The following AFF2 variants were observed in gnomAD, a reference collection of about 807,000 sequenced individuals.
AFF2 encodes ALF transcription elongation factor 2, also known as AF4/FMR2 family member 2.
In AFF2, 14 loss-of-function variants were observed where a neutral mutation model predicts 76.9. The ratio of observed to expected loss-of-function variants is 0.18; its 90% CI spans 0.12 to 0.28. The LOEUF (loss-of-function observed/expected upper bound fraction) is 0.28, where lower values mean the gene tolerates loss of function less well. Ranked by LOEUF, AFF2 falls within the 10% of genes least tolerant of loss-of-function variation. The pLI, the probability that AFF2 is intolerant of heterozygous loss-of-function variation, is 1.00. For synonymous variants in AFF2, 398 were observed against 366.7 expected (o/e 1.09, Z -0.98); for missense variants, 868 against 1,001.1 (o/e 0.87, Z 1.79).
intron 3 of AFF2, among the ~76,000 whole-genome samples, chrX:148,736,629 A>G (rs1265710883): frequency 9.0e-6 from 1 of 111,508 alleles, no homozygotes; most frequent in Non-Finnish European, 1.9e-5. Context: ...ATTAGGTCCC[A>G]GCTATTTATC....
chrX:148,801,626 C>T lies in AFF2; in HGVS notation c.1042-8250C>T, dbSNP rs150311032. 1.2e-4 allele frequency among the ~76,000 whole-genome samples: 13 copies of T among 111,761 alleles called. No individual in the cohort carries two copies. The East Asian group carries it at 3.4e-3, about 29-fold the overall frequency. ...CCAACCTCTTCAGTTGTGTCTTGATCGACTCCCTCCTTATCAAGGACTTTG... is the reference window on the plus strand; with the variant it reads ...CCAACCTCTTCAGTTGTGTCTTGATTGACTCCCTCCTTATCAAGGACTTTG... On this transcript the variant is annotated intron_variant, in intron 3 of 20. Transcript: ENST00000370460.
intron 9 of AFF2, among the ~76,000 whole-genome samples, chrX:148,946,762 C>T (rs2071905302): frequency 8.9e-6 from 1 of 112,169 alleles, no homozygotes; most frequent in Non-Finnish European, 1.9e-5. Flanking sequence ...CATCTTCAAA[C>T]ACCAGCATAG....
At chrX:148,800,676 C>A (rs1434961636) in intron 3 of AFF2, among the ~76,000 whole-genome samples, 3 of 111,107 alleles carry the variant, frequency 2.7e-5, no homozygotes, top group Non-Finnish European at 5.7e-5. Context: ...TGTGGCAATG[C>A]CTTCAGAAAT....
At chrX:148,744,064 G>A (rs545397515) in intron 3 of AFF2, among the ~76,000 whole-genome samples, 10 of 110,775 alleles carry the variant, frequency 9.0e-5, no homozygotes, top group African/African-American at 2.3e-4. Context: ...AATTTTTTAC[G>A]TTATATGCCG....
rs146102679 is a variant in AFF2 at position 148,808,566 on chromosome X, G to C, written c.1042-1310G>C. Among the ~76,000 whole-genome samples, 364 of 111,955 alleles carry C rather than the reference G, an allele frequency of 3.3e-3. 3 individuals are homozygous for C. The highest frequency in any genetic ancestry group is 0.011 in the African/African-American group (345 of 30,812). ...TCCAAACTGGAGGACATTTTTGAGA[G>C]GGAAAGGGAATACTATCAATAATTA... is the stretch of plus-strand genomic sequence containing the variant. On this transcript the variant is annotated intron_variant, in intron 3 of 20. Coordinates refer to ENST00000370460, the MANE Select transcript of AFF2 (RefSeq NM_002025.4).
intron 1 of AFF2, among the ~76,000 whole-genome samples, chrX:148,525,568 T>C (rs1485560983): frequency 2.7e-5 from 3 of 111,564 alleles, no homozygotes; most frequent in Non-Finnish European, 5.7e-5. Flanking sequence ...AAATACACAT[T>C]AGGTTGTGGG....
chrX:148,513,478 A>T (rs529487191), intron 1 of AFF2, among the ~76,000 whole-genome samples: 68 of 111,716 alleles, frequency 6.1e-4, no homozygotes, highest in African/African-American at 2.1e-3. Context: ...AGTTTGCCCA[A>T]CTGAAAAACT....
intron 1 of AFF2, among the ~76,000 whole-genome samples, chrX:148,614,988 C>T (rs1251224560): frequency 9.1e-6 from 1 of 109,529 alleles, no homozygotes; most frequent in Non-Finnish European, 1.9e-5. Flanking sequence ...CATTATTTCC[C>T]CACACCTCCC....
At chrX:148,551,370 C>T (rs905488121) in intron 1 of AFF2, among the ~76,000 whole-genome samples, 26 of 105,123 alleles carry the variant, frequency 2.5e-4, no homozygotes, top group African/African-American at 9.1e-4. Context: ...TGTTTAGGCA[C>T]ACAATTAGCA....
intron 8 of AFF2, among the ~76,000 whole-genome samples, chrX:148,896,588 T>A (rs1557280327): frequency 9.0e-6 from 1 of 111,615 alleles, no homozygotes; most frequent in Non-Finnish European, 1.9e-5. Flanking sequence ...GGTTTGCATG[T>A]GTTTCAGCTC....
At chrX:148,538,463 A>G (rs2052812159) in intron 1 of AFF2, among the ~76,000 whole-genome samples, 1 of 112,447 alleles carries the variant, frequency 8.9e-6, no homozygotes, top group Admixed American at 9.4e-5. Flanking sequence ...CATGCTTTCA[A>G]AACTTTAATG....
chrX:148,645,247 T>C (rs2054133831), intron 1 of AFF2, among the ~76,000 whole-genome samples: 1 of 112,203 alleles, frequency 8.9e-6, no homozygotes, highest in African/African-American at 3.2e-5. Context: ...AGTCATCTTA[T>C]CTGTTAAATG....
In AFF2 at chrX:148,987,374, C is replaced by G; in HGVS notation, c.3631C>G (p.Pro1211Ala). The part of the protein sequence containing the change: ...SPWVSNGKNT[P>A]SPVSLNNVSP... ...TCTCTTTCCATTTCCCAGGAACACT[C>G]CATCCCCAGTGTCTCTCAACAACGT... Residue 1211 changes from proline (P) to alanine (A), a missense_variant, in exon 20 of 21, where the codon CCA (proline) becomes GCA (alanine). This residue lies in a region of AFF2 where 46 missense variants were observed against 40.8 expected (regional missense o/e 1.13). Transcript: ENST00000370460. The G allele has an allele frequency of 8.3e-7, 1 of 1,207,873 alleles. No individual in the cohort carries two copies. Among genetic ancestry groups the G allele is most frequent in the Non-Finnish European group, 1.1e-6 (1 of 893,143 alleles).
intron 3 of AFF2, among the ~76,000 whole-genome samples, chrX:148,769,680 G>A (rs2069562378): frequency 9.1e-6 from 1 of 110,481 alleles, no homozygotes; most frequent in East Asian, 2.9e-4. Context: ...AATGTTTTGG[G>A]AGAGAGCCAG....
intron 1 of AFF2, among the ~76,000 whole-genome samples, chrX:148,623,502 C>T (rs2053891056): frequency 9.2e-6 from 1 of 108,933 alleles, no homozygotes; most frequent in African/African-American, 3.3e-5. Context: ...GAGAGAAGAA[C>T]TTAAATATTG....
intron 3 of AFF2, among the ~76,000 whole-genome samples, chrX:148,786,936 GTCTAATTCTCTA>G (rs1204175983): frequency 7.1e-5 from 8 of 111,963 alleles, no homozygotes; most frequent in Non-Finnish European, 1.5e-4. Flanking sequence ...GCCAGTCTGA[GTCTAATTCTCTA>G]TCTAAATGTG....
chrX:148,950,166 C>G (rs1434748531), intron 9 of AFF2, among the ~76,000 whole-genome samples: 5 of 112,344 alleles, frequency 4.5e-5, no homozygotes, highest in African/African-American at 1.3e-4. Context: ...GATGTTTGTC[C>G]TGCTTTTAAA....
chrX:148,871,086 G>A (rs189406473), intron 7 of AFF2, among the ~76,000 whole-genome samples: 34 of 111,390 alleles, frequency 3.1e-4, no homozygotes, highest in Non-Finnish European at 5.9e-4. Flanking sequence ...CGGGTGGGGG[G>A]CAGTGATGAT....
intron 3 of AFF2, among the ~76,000 whole-genome samples, chrX:148,703,844 A>G (rs1452655286): frequency 2.7e-5 from 3 of 110,950 alleles, no homozygotes; most frequent in African/African-American, 9.8e-5. Context: ...TTCACTTATT[A>G]GTTATAATTA....
Sources: allele counts gnomAD v4.1 joint callset (sites outside exome capture counted in the v4.1 genomes callset), GRCh38; gene constraint gnomAD v4.1.1; regional missense constraint gnomAD v4.1.1; transcripts MANE v1.5; gene names NCBI Gene and HGNC (gene_info 2026-07-23, HGNC 2026-07-21).